Variants in DNAH17 observed in about 807,000 individuals in gnomAD.
DNAH17 encodes the protein axonemal beta dynein heavy chain 17.
DNAH17 carries 376 observed loss-of-function variants against 485.6 expected under a neutral mutation model. The ratio of observed to expected loss-of-function variants is 0.77; its 90% CI spans 0.71 to 0.84. The LOEUF (loss-of-function observed/expected upper bound fraction) is 0.84. Among genes scored for constraint, DNAH17 ranks in the 40% least tolerant of loss-of-function variants. The probability of loss-of-function intolerance (pLI) is 0.00; values close to 1 mark genes in which losing one functional copy is unlikely to be tolerated. For synonymous variants in DNAH17, 3,031 were observed against 2,405.9 expected (o/e 1.26, Z -7.60); for missense variants, 6,370 against 5,839.3 (o/e 1.09, Z -2.96).
intron 41 of DNAH17, chr17:78,493,112 A>G (rs1457480387): frequency 5.2e-6 from 1 of 192,018 alleles, no homozygotes; most frequent in Non-Finnish European, 1.1e-5. Flanking sequence ...TGGCCTCCCA[A>G]AGTGCTGGGA....
Position 78,575,059 on chromosome 17 carries a change from T to G in DNAH17, c.-2A>C. 1.2e-6 allele frequency: 2 copies of G among 1,610,336 alleles called. No homozygotes were observed. The highest frequency in any genetic ancestry group is 2.2e-5 in the East Asian group (1 of 44,832). ...TCTGACGTCCGGGGCCATTGTCATC[T>G]TGGCCTTTCCTTACACTGTGTATCT... On this transcript the variant is annotated 5_prime_UTR_variant, in exon 2 of 81. Transcript: ENST00000389840.
chr17:78,493,432 A>G (rs1358616474), intron 41 of DNAH17, among the ~76,000 whole-genome samples: 3 of 152,226 alleles, frequency 2.0e-5, no homozygotes. Flanking sequence ...TCCTCCATTC[A>G]GGGAAAAGGA....
intron 16 of DNAH17, among the ~76,000 whole-genome samples, chr17:78,546,704 G>C (rs2091772557): frequency 6.6e-6 from 1 of 152,170 alleles, no homozygotes; most frequent in South Asian, 2.1e-4. Context: ...CCAGGAATTT[G>C]AGACCTGCCT....
At chr17:78,498,257 C>G (rs1414095216) in intron 37 of DNAH17, among the ~76,000 whole-genome samples, 2 of 152,188 alleles carry the variant, frequency 1.3e-5, no homozygotes, top group Non-Finnish European at 2.9e-5. Context: ...ACGTCCACAC[C>G]CCACATGCTC....
Position 78,427,020 on chromosome 17 carries a change from G to T in DNAH17, c.12677C>A (p.Pro4226His). The T allele has an allele frequency of 6.2e-7, 1 of 1,608,234 alleles. No homozygotes were observed. Among genetic ancestry groups the T allele is most frequent in the African/African-American group, 1.3e-5 (1 of 74,938 alleles). Residue 4226 changes from proline (P) to histidine (H), a missense_variant, in exon 78 of 81, where the codon CCC (proline) becomes CAC (histidine). Coordinates refer to ENST00000389840, the MANE Select transcript of DNAH17 (RefSeq NM_173628.4). ...TTCTTGAAAGGCGACTACCACGTAG[G>T]GGGTCTTTTCCGCTGCCTTTGCCAT... ...EIMAKAAEKT[P>H]YVVVAFQECE...
chr17:78,438,125 C>A (rs541808259), intron 73 of DNAH17, among the ~76,000 whole-genome samples: 1 of 151,900 alleles, frequency 6.6e-6, no homozygotes, highest in Non-Finnish European at 1.5e-5. Context: ...TCCAGCCTTA[C>A]GGTGAGTCCT....
At chr17:78,442,440 C>A (rs1418221928) in intron 71 of DNAH17, among the ~76,000 whole-genome samples, 4 of 152,194 alleles carry the variant, frequency 2.6e-5, no homozygotes, top group African/African-American at 9.7e-5. Context: ...CTCCTGAAGG[C>A]CCCCAATTCT....
Position 78,461,701 on chromosome 17 carries a change from T to TA in DNAH17, c.9181_9182insT (p.Asp3061ValfsTer12). ...CTGAATCGCCAACTTGGCTTTCAAA[T>TA]CATCCACCTGGGGAAGGAGAAACCG... On this transcript the variant is annotated frameshift_variant, in exon 58 of 81. Transcript: ENST00000389840. LOFTEE classifies it high-confidence loss of function. 6.2e-7 allele frequency: 1 copy of TA among 1,610,352 alleles called. No individual in the cohort carries two copies. The highest frequency in any genetic ancestry group is 8.5e-7 in the Non-Finnish European group (1 of 1,178,484).
At chr17:78,556,106 C>T (rs2092016173) in intron 14 of DNAH17, among the ~76,000 whole-genome samples, 3 of 152,156 alleles carry the variant, frequency 2.0e-5, no homozygotes, top group Admixed American at 2.0e-4. Context: ...CATCCATCTC[C>T]ATCCATCCAT....
intron 16 of DNAH17, among the ~76,000 whole-genome samples, chr17:78,548,151 C>T (rs2091814624): frequency 6.7e-6 from 1 of 149,914 alleles, no homozygotes; most frequent in African/African-American, 2.5e-5. Context: ...CTGCTTTCCT[C>T]TCATTCTGTT....
At chr17:78,546,790 C>A (rs2091774967) in intron 16 of DNAH17, among the ~76,000 whole-genome samples, 1 of 152,118 alleles carries the variant, frequency 6.6e-6, no homozygotes, top group South Asian at 2.1e-4. Flanking sequence ...CCTGTAATCC[C>A]AGCTATTTGG....
chr17:78,506,676 C>T, intron 30 of DNAH17, 44 bp downstream of exon 30: 2 of 1,612,498 alleles, frequency 1.2e-6, no homozygotes, highest in Non-Finnish European at 1.7e-6. Context: ...TGGGGTCTGG[C>T]ATGATGTTGG....
chr17:78,464,769 T>G lies in DNAH17; in HGVS notation c.8941-1692A>C, dbSNP rs546295050. On this transcript the variant is annotated intron_variant, in intron 56 of 80. Coordinates refer to ENST00000389840, the MANE Select transcript of DNAH17 (RefSeq NM_173628.4). ...GTCCTCAGCCTTCCTGAACTGGCCC[T>G]GGAGCCTTGGCTGCGCCGGGGCTGA... Among the ~76,000 whole-genome samples the G allele has an allele frequency of 1.1e-4, 17 of 152,332 alleles. No homozygotes were observed. In the East Asian group the frequency reaches 2.9e-3, roughly 26 times the overall value.
intron 25 of DNAH17, among the ~76,000 whole-genome samples, chr17:78,520,893 G>C (rs1002171444): frequency 2.0e-5 from 3 of 152,068 alleles, no homozygotes; most frequent in Non-Finnish European, 2.9e-5. Flanking sequence ...AATTTATATG[G>C]AAAAGTACAA....
At chr17:78,424,208 G>A in intron 80 of DNAH17, 55 bp from the exon 81 acceptor site, 1 of 1,556,902 alleles carries the variant, frequency 6.4e-7, no homozygotes. Context: ...TGAGGGAGGG[G>A]CTGGCAGGAA....
intron 20 of DNAH17, among the ~76,000 whole-genome samples, chr17:78,530,833 C>CA (rs1462689992): frequency 6.6e-6 from 1 of 152,200 alleles, no homozygotes. Context: ...TCCTAAAGGG[C>CA]ATCCCTAGCT....
Position 78,476,672 on chromosome 17 carries a change from A to G in DNAH17, c.8054T>C (p.Leu2685Pro), listed in dbSNP as rs1368758516. ...ACCATACACTCGTTCAGTCTCATGT[A>G]GCCAAAGGCGGACGAGGTCCAGTGG... is the stretch of plus-strand genomic sequence containing the variant. Reference protein sequence around the residue: ...KTPLDLVRLWLHETERVYGDK... With the variant: ...KTPLDLVRLWPHETERVYGDK... Residue 2685 changes from leucine (L) to proline (P), a missense_variant, in exon 52 of 81, where the codon CTA (leucine) becomes CCA (proline). Leu to Pro is a moderately conservative substitution (Grantham distance 98). Coordinates refer to ENST00000389840, the MANE Select transcript of DNAH17 (RefSeq NM_173628.4). The G allele has an allele frequency of 6.2e-7, 1 of 1,613,078 alleles. No individual in the cohort carries two copies. Among genetic ancestry groups the G allele is most frequent in the East Asian group, 2.2e-5 (1 of 44,884 alleles).
chr17:78,476,585 T>C lies in DNAH17; in HGVS notation c.8141A>G (p.Lys2714Arg). The C allele has an allele frequency of 6.2e-7, 1 of 1,610,494 alleles. No homozygotes were observed. Among genetic ancestry groups the C allele is most frequent in the Non-Finnish European group, 8.5e-7 (1 of 1,178,368 alleles). Residue 2714 changes from lysine to arginine, a missense_variant, in exon 52 of 81, where the codon AAG becomes AGG. Lys to Arg is a conservative substitution (Grantham distance 26). Coordinates refer to ENST00000389840, the MANE Select transcript of DNAH17 (RefSeq NM_173628.4). Reference protein sequence around the residue: ...TLHRVTMASTKKFFDDLGDEL... With the variant: ...TLHRVTMASTRKFFDDLGDEL... ...AGCTTGACTTACATCAAAGAACTTCTTGGTGGAGGCCATGGTGACTCTATG... is the reference window on the plus strand; with the variant it reads ...AGCTTGACTTACATCAAAGAACTTCCTGGTGGAGGCCATGGTGACTCTATG...
chr17:78,526,813 C>G, intron 23 of DNAH17, 67 bp downstream of exon 23: 7 of 1,555,970 alleles, frequency 4.5e-6, no homozygotes, highest in Non-Finnish European at 5.2e-6. Flanking sequence ...CCCTGTATGC[C>G]GCAGGGCCCT....
Sources: gnomAD v4.1 joint callset for allele counts (sites outside exome capture counted in the v4.1 genomes callset) on GRCh38, gnomAD v4.1.1 for gene constraint, MANE v1.5 for transcripts, NCBI Gene and HGNC (gene_info 2026-07-23, HGNC 2026-07-21) for gene names.